ASIC2: variants seen among roughly 807,000 people sequenced by gnomAD.
ASIC2 encodes the protein acid sensing ion channel subunit 2, also known as acid-sensing ion channel 2.
ASIC2 carries 25 observed loss-of-function variants against 57.3 expected under a neutral mutation model. That is an observed-to-expected ratio of 0.44 (90% confidence interval 0.32 to 0.61). The LOEUF is 0.61. Ranked by LOEUF, ASIC2 falls within the 20% of genes least tolerant of loss-of-function variation. ASIC2 has a pLI of 0.06. For missense variants in ASIC2, 641 were observed against 738.1 expected (o/e 0.87, Z 1.52); for synonymous variants, 319 against 307.5 (o/e 1.04, Z -0.39).
intron 1 of ASIC2, among the ~76,000 whole-genome samples, chr17:33,494,310 C>G (rs115330274): frequency 6.6e-6 from 1 of 152,172 alleles, no homozygotes; most frequent in Non-Finnish European, 1.5e-5. Context: ...AGATGAGGGC[C>G]TGTTAATAGG....
intron 1 of ASIC2, among the ~76,000 whole-genome samples, chr17:33,340,554 C>G (rs1202235463): frequency 2.6e-5 from 4 of 151,828 alleles, no homozygotes; most frequent in Non-Finnish European, 5.9e-5. Flanking sequence ...TAGACAGATA[C>G]GAAAATATCA....
intron 1 of ASIC2, among the ~76,000 whole-genome samples, chr17:33,587,630 G>T (rs1432282998): frequency 6.6e-6 from 1 of 152,204 alleles, no homozygotes; most frequent in African/African-American, 2.4e-5. Flanking sequence ...GCTTAGGCCA[G>T]TCATGATTCA....
chr17:33,166,542 C>T (rs1194282101), intron 1 of ASIC2, among the ~76,000 whole-genome samples: 1 of 152,192 alleles, frequency 6.6e-6, no homozygotes, highest in African/African-American at 2.4e-5. Flanking sequence ...TCTGCCCCCT[C>T]CCTAACTGCA....
intron 1 of ASIC2, among the ~76,000 whole-genome samples, chr17:33,579,062 G>A (rs977343409): frequency 6.6e-6 from 1 of 151,972 alleles, no homozygotes; most frequent in Non-Finnish European, 1.5e-5. Context: ...GAAGCGGGTG[G>A]ATCACTTGAG....
intron 1 of ASIC2, among the ~76,000 whole-genome samples, chr17:33,914,745 TC>T (rs1475119964): frequency 6.6e-5 from 10 of 152,194 alleles, no homozygotes; most frequent in African/African-American, 1.9e-4. Flanking sequence ...CTTTTATTTT[TC>T]AATGACCTCA....
At chr17:34,028,380 GACAA>G (rs1907456927) in intron 1 of ASIC2, among the ~76,000 whole-genome samples, 2 of 152,260 alleles carry the variant, frequency 1.3e-5, no homozygotes, top group South Asian at 4.1e-4. Flanking sequence ...TGTGCTTTTA[GACAA>G]ACACTTTGAG....
intron 3 of ASIC2, among the ~76,000 whole-genome samples, chr17:33,074,733 A>G (rs2092082625): frequency 6.6e-6 from 1 of 152,194 alleles, no homozygotes; most frequent in Admixed American, 6.5e-5. Flanking sequence ...TTAACCTCTC[A>G]GTGCTCCAGT....
At chr17:33,812,235 T>C (rs1227148394) in intron 1 of ASIC2, among the ~76,000 whole-genome samples, 7 of 152,160 alleles carry the variant, frequency 4.6e-5, no homozygotes, top group Non-Finnish European at 1.0e-4. Flanking sequence ...GAAGGGCTGC[T>C]ATGTCAGCAA....
intron 1 of ASIC2, among the ~76,000 whole-genome samples, chr17:33,854,855 G>A (rs1460719231): frequency 6.6e-6 from 1 of 152,050 alleles, no homozygotes; most frequent in Non-Finnish European, 1.5e-5. Flanking sequence ...GTGTGTGTTA[G>A]CTTGTGGTTA....
At chr17:33,337,347 T>G (rs1907553557) in intron 1 of ASIC2, among the ~76,000 whole-genome samples, 1 of 152,212 alleles carries the variant, frequency 6.6e-6, no homozygotes, top group Non-Finnish European at 1.5e-5. Context: ...GGATCCTACA[T>G]TTTACAGATG....
intron 1 of ASIC2, among the ~76,000 whole-genome samples, chr17:34,011,022 GTCAGACACATGCACACACACACAC>G (rs1230362130): frequency 1.6e-3 from 3 of 1,828 alleles, no homozygotes; most frequent in East Asian, 9.3e-3. Flanking sequence ...AGATGCCAAA[GTCAGACACATGCACACACACACAC>G]ACACACACAG....
chr17:33,383,460 T>G (rs1909561798), intron 1 of ASIC2, among the ~76,000 whole-genome samples: 1 of 152,142 alleles, frequency 6.6e-6, no homozygotes, highest in Admixed American at 6.5e-5. Flanking sequence ...TACCAAGAAA[T>G]GGATACGCAG....
intron 1 of ASIC2, among the ~76,000 whole-genome samples, chr17:33,228,637 G>T (rs919508372): frequency 6.6e-6 from 1 of 152,260 alleles, no homozygotes; most frequent in East Asian, 1.9e-4. Flanking sequence ...GAGTGATTGT[G>T]TATCACTCGG....
At chr17:33,097,037 C>T (rs958878905) in intron 2 of ASIC2, among the ~76,000 whole-genome samples, 2 of 152,208 alleles carry the variant, frequency 1.3e-5, no homozygotes, top group Non-Finnish European at 2.9e-5. Context: ...GGTCAGCTGG[C>T]CCTAGCCACA....
At chr17:33,516,516 G>A (rs1234812962) in intron 1 of ASIC2, among the ~76,000 whole-genome samples, 1 of 152,158 alleles carries the variant, frequency 6.6e-6, no homozygotes, top group Non-Finnish European at 1.5e-5. Flanking sequence ...CTCCTAGAAA[G>A]ACTTGAAAAT....
chr17:34,085,780 T>C (rs201016783), intron 1 of ASIC2, among the ~76,000 whole-genome samples: 8,750 of 152,204 alleles, frequency 0.057, 405 homozygotes, highest in East Asian at 0.24. Flanking sequence ...AGTGTACGTG[T>C]CGAGGAATTT....
chr17:33,214,118 C>T (rs979035957), intron 1 of ASIC2, among the ~76,000 whole-genome samples: 16 of 152,150 alleles, frequency 1.1e-4, no homozygotes, highest in Admixed American at 1.3e-4. Context: ...ATGACTGGGA[C>T]CTAAATGGCA....
At chr17:33,490,657 G>A (rs551579338) in intron 1 of ASIC2, among the ~76,000 whole-genome samples, 21 of 152,198 alleles carry the variant, frequency 1.4e-4, no homozygotes, top group South Asian at 1.2e-3. Flanking sequence ...TTTGCCTTCC[G>A]CCCTGATTGC....
chr17:33,109,117 A>AT (rs2092246722), intron 2 of ASIC2, among the ~76,000 whole-genome samples: 1 of 152,084 alleles, frequency 6.6e-6, no homozygotes, highest in South Asian at 2.1e-4. Flanking sequence ...TGGGTGAGGC[A>AT]TAAAAGACTA....
Sources: allele counts gnomAD v4.1 joint callset (sites outside exome capture counted in the v4.1 genomes callset), GRCh38; gene constraint gnomAD v4.1.1; transcripts MANE v1.5; gene names NCBI Gene and HGNC (gene_info 2026-07-23, HGNC 2026-07-21).